Variants in SI observed in about 807,000 individuals in gnomAD.
The protein encoded by SI is sucrase-isomaltase, intestinal.
A neutral mutation model predicts 253.3 loss-of-function variants in SI; 235 were observed. The observed-to-expected ratio is 0.93, with a 90% CI of 0.83 to 1.03. The LOEUF (loss-of-function observed/expected upper bound fraction) is 1.03, where lower values mean the gene tolerates loss of function less well. SI is among the 50% of genes least tolerant of loss of function. The pLI, the probability that SI is intolerant of heterozygous loss-of-function variation, is 0.00. For missense variants in SI, 2,442 were observed against 2,211.1 expected (o/e 1.10, Z -2.09); for synonymous variants, 819 against 712.0 (o/e 1.15, Z -2.39).
intron 37 of SI, among the ~76,000 whole-genome samples, chr3:165,005,596 A>G (rs1164290120): frequency 6.6e-6 from 1 of 152,182 alleles, no homozygotes; most frequent in East Asian, 1.9e-4. Context: ...GCCACTAATT[A>G]TCTATTATTT....
the SI span, among the ~76,000 whole-genome samples, chr3:165,089,085 TTC>T: frequency 0.059 from 1,602 of 27,020 alleles, 26 homozygotes; most frequent in East Asian, 0.2. Flanking sequence ...TTTTTCTTTT[TTC>T]TTTTTTTTTT....
At chr3:165,070,520 T>A (rs1714508132) in intron 3 of SI, among the ~76,000 whole-genome samples, 1 of 151,280 alleles carries the variant, frequency 6.6e-6, no homozygotes, top group Non-Finnish European at 1.5e-5. Flanking sequence ...TCTCCAGTTA[T>A]CTAACCTGTA....
Position 164,994,326 on chromosome 3 carries a change from G to A in SI, c.4772C>T (p.Pro1591Leu). Residue 1591 changes from proline (P) to leucine (L), a missense_variant, in exon 41 of 48, where the codon CCC becomes CTC. By Grantham distance (98) the Pro-to-Leu change is moderately conservative. Coordinates refer to ENST00000264382, the MANE Select transcript of SI (RefSeq NM_001041.4). ...NILNIRYTLL[P>L]YFYTQMHEIH... ...TTCATGCATTTGTGTGTAAAAATAGGGCAATAAGGTGTATCTAATATTTAG... is the reference window on the plus strand; with the variant it reads ...TTCATGCATTTGTGTGTAAAAATAGAGCAATAAGGTGTATCTAATATTTAG... 6.2e-7 allele frequency: 1 copy of A among 1,610,854 alleles called. No individual in the cohort carries two copies.
rs1305917683 is a variant in SI at position 165,039,151 on chromosome 3, ATGTATTTTT to A, written c.2245-26_2245-18del. 1 of 1,523,930 alleles carries A rather than the reference ATGTATTTTT, an allele frequency of 6.6e-7. No individual in the cohort carries two copies. The highest frequency in any genetic ancestry group is 1.4e-5 in the African/African-American group (1 of 72,944). 94.4% of individuals were successfully genotyped at this position (1,523,930 alleles called of 1,614,324 possible). ...ATCTGCTCCCTAAAATAAAGATAAT[ATGTATTTTT>A]TAATTTCAATTTTTAACAAGGAGGA... On this transcript the variant is annotated intron_variant, in intron 19 of 47. Transcript: ENST00000264382.
intron 32 of SI, 76 bp from the exon 33 acceptor site, chr3:165,015,309 A>G: frequency 1.1e-6 from 1 of 917,324 alleles, no homozygotes. Flanking sequence ...ATGAAGCATA[A>G]GTTTTCATTA....
intron 23 of SI, 30 bp from the exon 24 acceptor site, chr3:165,032,722 T>C: frequency 1.4e-6 from 2 of 1,451,596 alleles, no homozygotes; most frequent in Non-Finnish European, 1.9e-6. Context: ...ATATTATATA[T>C]TAGGTCATCA....
chr3:165,059,200 G>A lies in SI; in HGVS notation c.1246C>T (p.His416Tyr), dbSNP rs745465334. The change falls in exon 11 of 48, where the codon CAT becomes TAT. Residue 416 changes from histidine to tyrosine, a missense_variant. Coordinates refer to ENST00000264382, the MANE Select transcript of SI (RefSeq NM_001041.4). The part of the protein sequence containing the change: ...NGLPQFVQDL[H>Y]DHGQKYVIIL... ...ATGACATATTTCTGTCCATGGTCAT[G>A]CAAATCTTGCACAAATTGAGGGAGT... 8.7e-6 allele frequency: 14 copies of A among 1,612,546 alleles called. No individual in the cohort carries two copies. Among genetic ancestry groups the A allele is most frequent in the Non-Finnish European group, 9.3e-6 (11 of 1,179,200 alleles).
chr3:165,020,179 T>C (rs983900542), intron 27 of SI, among the ~76,000 whole-genome samples: 2 of 151,702 alleles, frequency 1.3e-5, no homozygotes, highest in African/African-American at 4.8e-5. Context: ...TAAAAATACA[T>C]CAATATTATA....
chr3:165,050,302 AG>A (rs542800372), intron 13 of SI, among the ~76,000 whole-genome samples: 229 of 152,284 alleles, frequency 1.5e-3, no homozygotes, highest in African/African-American at 5.2e-3. Context: ...GCCTACCAAC[AG>A]CTCCTATACA....
At chr3:164,982,515 ATTGT>A (rs1429768185) in intron 46 of SI, 105 bp from the exon 47 acceptor site, 15 of 826,418 alleles carry the variant, frequency 1.8e-5, no homozygotes, top group East Asian at 1.3e-4. Flanking sequence ...AGTATAATAA[ATTGT>A]TTATTTGTGC....
chr3:164,987,705 CAA>C (rs112252307), intron 44 of SI, among the ~76,000 whole-genome samples: 4 of 149,010 alleles, frequency 2.7e-5, no homozygotes, highest in Admixed American at 1.3e-4. Context: ...AAGACTCCAT[CAA>C]AAAAAAAATT....
At chr3:165,014,485 A>G (rs1399883476) in intron 33 of SI, among the ~76,000 whole-genome samples, 1 of 151,990 alleles carries the variant, frequency 6.6e-6, no homozygotes, top group Non-Finnish European at 1.5e-5. Context: ...TCCTGATCTC[A>G]TGATCCGCCC....
intron 12 of SI, among the ~76,000 whole-genome samples, chr3:165,056,665 G>C (rs1224373876): frequency 2.0e-5 from 3 of 152,142 alleles, no homozygotes; most frequent in African/African-American, 7.2e-5. Flanking sequence ...TGCCACAGCA[G>C]AAAGTACAAA....
intron 22 of SI, 138 bp downstream of exon 22, chr3:165,036,251 A>G: frequency 1.6e-6 from 1 of 642,866 alleles, no homozygotes; most frequent in Non-Finnish European, 2.8e-6. Flanking sequence ...GTAGCCTAAA[A>G]GCCTGAAACA....
At chr3:165,035,295 A>G (rs1019135822) in intron 22 of SI, among the ~76,000 whole-genome samples, 3 of 152,074 alleles carry the variant, frequency 2.0e-5, no homozygotes, top group Non-Finnish European at 2.9e-5. Flanking sequence ...ATTAAAAGAC[A>G]GAGAATATTT....
intron 31 of SI, among the ~76,000 whole-genome samples, chr3:165,016,421 G>T (rs546329049): frequency 6.6e-6 from 1 of 152,086 alleles, no homozygotes; most frequent in South Asian, 2.1e-4. Flanking sequence ...TATGAAATTA[G>T]GTTAAATGAC....
intron 25 of SI, among the ~76,000 whole-genome samples, chr3:165,024,784 AT>A (rs943358677): frequency 1.3e-5 from 2 of 150,768 alleles, no homozygotes; most frequent in Non-Finnish European, 3.0e-5. Flanking sequence ...CTACTGTTCT[AT>A]TTTTTCTGCT....
intron 37 of SI, among the ~76,000 whole-genome samples, chr3:165,002,969 G>T (rs1198213201): frequency 6.6e-6 from 1 of 151,676 alleles, no homozygotes; most frequent in African/African-American, 2.4e-5. Context: ...GATATTCCAT[G>T]GAAGATTGTG....
chr3:165,030,899 GA>G (rs769914006), intron 24 of SI, 32 bp from the exon 25 acceptor site: 786 of 1,126,568 alleles, frequency 7.0e-4, no homozygotes, highest in Middle Eastern at 3.7e-3. Context: ...AAGAAAAAAA[GA>G]AAAAAAAAAC....
Sources: gnomAD v4.1 joint callset for allele counts (sites outside exome capture counted in the v4.1 genomes callset) on GRCh38, gnomAD v4.1.1 for gene constraint, MANE v1.5 for transcripts, NCBI Gene and HGNC (gene_info 2026-07-23, HGNC 2026-07-21) for gene names.